The following ZNF284 variants were observed in gnomAD, a reference collection of about 807,000 sequenced individuals.
ZNF284 encodes zinc finger protein 284.
A neutral mutation model predicts 12.9 loss-of-function variants in ZNF284; 12 were observed. The observed-to-expected ratio is 0.93, with a 90% CI of 0.60 to 1.51. The LOEUF is 1.51. ZNF284 is among the 40% of genes most tolerant of loss of function. ZNF284 has a pLI of 0.00. For missense variants in ZNF284, 667 were observed against 707.3 expected, an observed-to-expected ratio of 0.94 and a Z score of 0.65; for synonymous variants, 225 against 236.5, an observed-to-expected ratio of 0.95 and a Z score of 0.45.
chr19:44,081,205 GT>G (rs1967118784), intron 3 of ZNF284, 64 bp downstream of exon 3: 2 of 1,519,114 alleles, frequency 1.3e-6, no homozygotes, highest in African/African-American at 1.4e-5. Context: ...ATCCTAGGGT[GT>G]TTGTGTTAGT....
In ZNF284 at chr19:44,085,753, C is replaced by T; in HGVS notation, c.275C>T (p.Thr92Ile). ...IQTELESVPE[T>I]GPHEEWSCQQ... is the part of the protein sequence containing the mutation. ...ACTGAGTTGGAGTCTGTTCCAGAAA[C>T]AGGACCACATGAAGAGTGGTCTTGC... The change falls in exon 5 of 5, where the codon ACA (threonine) becomes ATA (isoleucine). Residue 92 changes from threonine to isoleucine, a missense_variant. Physicochemically the swap from Thr to Ile is moderately conservative, Grantham distance 89. Coordinates refer to ENST00000421176, the MANE Select transcript of ZNF284 (RefSeq NM_001037813.4). 1 of 1,613,936 alleles carries T rather than the reference C, an allele frequency of 6.2e-7. No individual in the cohort carries two copies. Among genetic ancestry groups the T allele is most frequent in the Middle Eastern group, 1.6e-4 (1 of 6,062 alleles).
chr19:44,075,889 G>T (rs1472875131), intron 1 of ZNF284, among the ~76,000 whole-genome samples: 1 of 152,046 alleles, frequency 6.6e-6, no homozygotes, highest in East Asian at 1.9e-4. Flanking sequence ...TCTCCCAGTT[G>T]GACTCCTTGT....
chr19:44,082,341 T>C (rs1177986348), intron 4 of ZNF284, among the ~76,000 whole-genome samples: 1 of 152,218 alleles, frequency 6.6e-6, no homozygotes, highest in Non-Finnish European at 1.5e-5. Flanking sequence ...TTCCTCAGCT[T>C]AAAAGCCTTT....
chr19:44,081,118 A>G lies in ZNF284; in HGVS notation c.119A>G (p.Asn40Ser), dbSNP rs1451652451. Residue 40 changes from asparagine to serine, a missense_variant, in exon 3 of 5, where the codon AAC becomes AGC. Asn to Ser is a conservative substitution (Grantham distance 46). Transcript: ENST00000421176. ...CTGTATCGAGATGTCATGCTGGAGA[A>G]CTTCAGAAACCTGCTATCAGTGGGT... ...RKLYRDVMLE[N>S]FRNLLSVGHQ... is the part of the protein sequence containing the mutation. The G allele has an allele frequency of 6.2e-7, 1 of 1,612,622 alleles. No individual in the cohort carries two copies. The highest frequency in any genetic ancestry group is 1.7e-5 in the Admixed American group (1 of 59,978).
chr19:44,081,591 A>G (rs562612261), intron 3 of ZNF284, among the ~76,000 whole-genome samples: 3 of 152,248 alleles, frequency 2.0e-5, no homozygotes, highest in Non-Finnish European at 4.4e-5. Flanking sequence ...GGGCGTCTGT[A>G]GTCCCAGCTA....
At position 44,086,827 on chromosome 19, in the gene ZNF284, C is replaced by A. The variant is rs201121562; in HGVS notation, c.1349C>A (p.Thr450Lys). ...FNLDLHQRVH[T>K]GERPYNCKEC... ...CTTGACTTGCACCAGAGGGTCCACA[C>A]GGGAGAGAGACCTTATAATTGTAAG... Residue 450 changes from threonine (T) to lysine (K), a missense_variant, in exon 5 of 5, where the codon ACG becomes AAG. Thr to Lys is a moderately conservative substitution (Grantham distance 78, BLOSUM62 -1). Coordinates refer to ENST00000421176, the MANE Select transcript of ZNF284 (RefSeq NM_001037813.4). 1.2e-6 allele frequency: 2 copies of A among 1,614,036 alleles called. No individual in the cohort carries two copies. The highest frequency in any genetic ancestry group is 8.5e-7 in the Non-Finnish European group (1 of 1,180,016).
chr19:44,084,724 C>A (rs1967197742), intron 4 of ZNF284, among the ~76,000 whole-genome samples: 1 of 152,162 alleles, frequency 6.6e-6, no homozygotes, highest in Non-Finnish European at 1.5e-5. Flanking sequence ...ATTATTGTAA[C>A]CCTCTGGGTG....
Position 44,087,266 on chromosome 19 carries a change from G to A in ZNF284, c.*6G>A, listed in dbSNP as rs1967277229. Reference sequence around the variant, plus strand: ...TATTTTTAAATGATATATAATTATTGTCCATATTTATGGGTTACAGCATAT... The same window carrying A: ...TATTTTTAAATGATATATAATTATTATCCATATTTATGGGTTACAGCATAT... On this transcript the variant is annotated 3_prime_UTR_variant, in exon 5 of 5. Coordinates refer to ENST00000421176, the MANE Select transcript of ZNF284 (RefSeq NM_001037813.4). 1.3e-6 allele frequency: 2 copies of A among 1,511,348 alleles called. No homozygotes were observed. The highest frequency in any genetic ancestry group is 2.5e-5 in the East Asian group (1 of 40,338). The allele number at this position is 1,511,348 out of a possible 1,614,324, so 93.6% of individuals were successfully genotyped here. A position where few individuals can be genotyped will look rare whatever the true frequency, so the allele number is the denominator to read the frequency against.
Position 44,089,481 on chromosome 19 carries a change from G to A in ZNF284, c.*2221G>A, listed in dbSNP as rs1967313178. 1 of 152,148 alleles carries A rather than the reference G, an allele frequency of 6.6e-6. No homozygotes were observed. The allele number at this position is 152,148 out of a possible 1,614,324, so 9.4% of individuals were successfully genotyped here. On this transcript the variant is annotated 3_prime_UTR_variant, in exon 5 of 5. Coordinates refer to ENST00000421176, the MANE Select transcript of ZNF284 (RefSeq NM_001037813.4). ...ATATTTAAAGCACATACTTTTTATA[G>A]AGTGTCTCCCCTGTAATGTCTCTGG...
chr19:44,083,732 C>T (rs1418437796), intron 4 of ZNF284, among the ~76,000 whole-genome samples: 1 of 151,924 alleles, frequency 6.6e-6, no homozygotes, highest in African/African-American at 2.4e-5. Context: ...CACCCAGGTA[C>T]TGAGCATAGT....
chr19:44,075,934 A>G (rs1967018487), intron 1 of ZNF284, among the ~76,000 whole-genome samples: 1 of 152,134 alleles, frequency 6.6e-6, no homozygotes, highest in Non-Finnish European at 1.5e-5. Flanking sequence ...CTCATCTCAA[A>G]TGTGAAGCAA....
At chr19:44,084,652 G>C (rs1320839592) in intron 4 of ZNF284, among the ~76,000 whole-genome samples, 1 of 152,152 alleles carries the variant, frequency 6.6e-6, no homozygotes, top group Admixed American at 6.5e-5. Context: ...ATTCCCTAGA[G>C]TATGGGACAC....
chr19:44,078,572 C>A (rs950176966), intron 2 of ZNF284, among the ~76,000 whole-genome samples: 5 of 152,122 alleles, frequency 3.3e-5, no homozygotes, highest in Non-Finnish European at 7.4e-5. Context: ...CCAGATCTTC[C>A]TGCCCCAGCC....
intron 3 of ZNF284, 77 bp from the exon 4 acceptor site, chr19:44,081,936 G>C: frequency 8.7e-7 from 1 of 1,143,192 alleles, no homozygotes; most frequent in Non-Finnish European, 1.3e-6. Context: ...TCAAGTTCGA[G>C]TGTGCAGTGA....
intron 4 of ZNF284, among the ~76,000 whole-genome samples, chr19:44,083,589 A>C (rs1159920935): frequency 6.7e-6 from 1 of 149,920 alleles, no homozygotes; most frequent in East Asian, 2.0e-4. Context: ...ATCTCTACCC[A>C]CTGGAATGGA....
In ZNF284 at chr19:44,087,380, T is replaced by C. The variant is rs1967279286; in HGVS notation, c.*120T>C. 1 of 860,686 alleles carries C rather than the reference T, an allele frequency of 1.2e-6. No homozygotes were observed. The highest frequency in any genetic ancestry group is 1.7e-6 in the Non-Finnish European group (1 of 597,046). The allele number at this position is 860,686 out of a possible 1,614,324, so 53.3% of individuals were successfully genotyped here. A position where few individuals can be genotyped will look rare whatever the true frequency, so the allele number is the denominator to read the frequency against. ...TTATCATTTATTTGTGGATCATTTA[T>C]CATTTCTTTGTGCTTTGAACGTTCA... On this transcript the variant is annotated 3_prime_UTR_variant, in exon 5 of 5. Transcript: ENST00000421176.
At chr19:44,081,977 G>A in intron 3 of ZNF284, 36 bp from the exon 4 acceptor site, 3 of 1,551,284 alleles carry the variant, frequency 1.9e-6, no homozygotes, top group Admixed American at 1.7e-5. Flanking sequence ...TTTTACCTAA[G>A]ATGTATTGGG....
intron 4 of ZNF284, chr19:44,085,063 C>T (rs1967208279): frequency 6.6e-6 from 1 of 152,290 alleles, no homozygotes. Context: ...TCCCGGCTTT[C>T]AGGTGATCAC....
At chr19:44,083,449 A>C (rs1234361741) in intron 4 of ZNF284, among the ~76,000 whole-genome samples, 1 of 57,574 alleles carries the variant, frequency 1.7e-5, no homozygotes, top group Non-Finnish European at 4.0e-5. Flanking sequence ...ATAAATAAAG[A>C]AATATATATA....
Sources: gnomAD v4.1 joint callset for allele counts (sites outside exome capture counted in the v4.1 genomes callset) on GRCh38, gnomAD v4.1.1 for gene constraint, MANE v1.5 for transcripts, NCBI Gene and HGNC (gene_info 2026-07-23, HGNC 2026-07-21) for gene names.